GPR39: variants seen among roughly 807,000 people sequenced by gnomAD.
GPR39 encodes G protein-coupled receptor 39, also known as zinc sensing receptor.
GPR39 carries 23 observed loss-of-function variants against 18.4 expected under a neutral mutation model. The observed-to-expected ratio is 1.25, with a 90% CI of 0.90 to 1.77. The LOEUF is 1.77. GPR39 is among the 40% of genes most tolerant of loss of function. The probability of loss-of-function intolerance (pLI) is 0.00; values close to 1 mark genes in which losing one functional copy is unlikely to be tolerated. For missense variants in GPR39, 647 were observed against 602.4 expected, an observed-to-expected ratio of 1.07 and a Z score of -0.78; for synonymous variants, 280 against 257.9, an observed-to-expected ratio of 1.09 and a Z score of -0.82.
intron 1 of GPR39, 57 bp downstream of exon 1, chr2:132,417,955 C>G: frequency 6.6e-7 from 1 of 1,520,662 alleles, no homozygotes; most frequent in African/African-American, 1.4e-5. Flanking sequence ...CCCCACGACC[C>G]GTGCCACTGC....
chr2:132,471,773 C>CAT (rs1245023974), intron 1 of GPR39, among the ~76,000 whole-genome samples: 1 of 151,936 alleles, frequency 6.6e-6, no homozygotes, highest in Non-Finnish European at 1.5e-5. Context: ...AGCCCCAGGT[C>CAT]ATTGTCGTAC....
intron 1 of GPR39, among the ~76,000 whole-genome samples, chr2:132,499,115 G>A (rs1250388938): frequency 1.3e-5 from 2 of 152,080 alleles, no homozygotes; most frequent in Non-Finnish European, 2.9e-5. Flanking sequence ...TGGGTTCTTG[G>A]TCATGAAGGC....
chr2:132,463,304 AG>A (rs1301240932), intron 1 of GPR39, among the ~76,000 whole-genome samples: 1 of 151,066 alleles, frequency 6.6e-6, no homozygotes, highest in Non-Finnish European at 1.5e-5. Flanking sequence ...GAGAGAAAGC[AG>A]GGCTAGGGTT....
intron 1 of GPR39, among the ~76,000 whole-genome samples, chr2:132,532,524 C>T (rs1407353570): frequency 6.6e-6 from 1 of 152,102 alleles, no homozygotes; most frequent in Admixed American, 6.6e-5. Flanking sequence ...ATACCAAAGC[C>T]TGGCAGAGAC....
Position 132,563,412 on chromosome 2 carries a change from G to A in GPR39, c.857-81689G>A, listed in dbSNP as rs1174202453. Among the ~76,000 whole-genome samples, 15 of 152,172 alleles carry A rather than the reference G, an allele frequency of 9.9e-5. 1 individual carries two copies. In the South Asian group the frequency reaches 1.9e-3, roughly 19 times the overall value. ...AGCCTGGGAAACATAGTGAGACCTC[G>A]TGTCTACAAAAACTAGCTCGGCATG... On this transcript the variant is annotated intron_variant, in intron 1 of 1. Transcript: ENST00000329321.
intron 1 of GPR39, among the ~76,000 whole-genome samples, chr2:132,529,478 C>T (rs545529660): frequency 4.6e-5 from 7 of 152,222 alleles, no homozygotes; most frequent in Admixed American, 6.5e-5. Flanking sequence ...ACTTAAATGT[C>T]GCTGTCTGAC....
At chr2:132,610,777 C>CAAAAAA (rs34611787) in intron 1 of GPR39, among the ~76,000 whole-genome samples, 21 of 88,686 alleles carry the variant, frequency 2.4e-4, no homozygotes, top group African/African-American at 8.2e-4. Flanking sequence ...ACTCTGTCTC[C>CAAAAAA]AAAAAAAAAA....
intron 1 of GPR39, among the ~76,000 whole-genome samples, chr2:132,553,936 G>A (rs1028318588): frequency 2.0e-5 from 3 of 152,162 alleles, no homozygotes; most frequent in African/African-American, 4.8e-5. Context: ...GAGGACATGG[G>A]TATTGTGGAA....
chr2:132,540,362 G>A (rs532709650), intron 1 of GPR39, among the ~76,000 whole-genome samples: 45 of 152,280 alleles, frequency 3.0e-4, no homozygotes, highest in African/African-American at 1.1e-3. Context: ...ACTCTGGGGA[G>A]AGCGACGGTC....
intron 1 of GPR39, among the ~76,000 whole-genome samples, chr2:132,465,297 T>G (rs929226156): frequency 2.6e-5 from 4 of 152,238 alleles, no homozygotes; most frequent in African/African-American, 9.6e-5. Flanking sequence ...GTTCCCCTTT[T>G]CCTTGCTTCT....
At chr2:132,581,048 A>T (rs1227717768) in intron 1 of GPR39, among the ~76,000 whole-genome samples, 5 of 143,264 alleles carry the variant, frequency 3.5e-5, no homozygotes, top group Non-Finnish European at 7.7e-5. Flanking sequence ...TATAAAGATT[A>T]AAAAAAAAAA....
chr2:132,462,230 G>A (rs1022538920), intron 1 of GPR39, among the ~76,000 whole-genome samples: 5 of 152,206 alleles, frequency 3.3e-5, no homozygotes, highest in African/African-American at 1.2e-4. Flanking sequence ...CCTCACAAAG[G>A]TTGCACTCAG....
At position 132,451,991 on chromosome 2, in the gene GPR39, ATTG is replaced by A. The variant is rs142377477; in HGVS notation, c.856+34098_856+34100del. Among the ~76,000 whole-genome samples, 557 of 152,278 alleles carry A rather than the reference ATTG, an allele frequency of 3.7e-3. 16 individuals are homozygous for A. In the East Asian group the frequency reaches 0.074, roughly 20 times the overall value. ...TTCAAGACATAACAAAATGTCTTGA[ATTG>A]TTGTAAGTTCAAATATGGTTCATTT... is the stretch of plus-strand genomic sequence containing the variant. On this transcript the variant is annotated intron_variant, in intron 1 of 1. Coordinates refer to ENST00000329321, the MANE Select transcript of GPR39 (RefSeq NM_001508.3).
chr2:132,435,637 T>C (rs1573600842), intron 1 of GPR39, among the ~76,000 whole-genome samples: 2 of 152,332 alleles, frequency 1.3e-5, no homozygotes, highest in Non-Finnish European at 2.9e-5. Context: ...TAGTTGCCTA[T>C]AGTGACCTTG....
intron 1 of GPR39, among the ~76,000 whole-genome samples, chr2:132,447,099 T>C (rs536318285): frequency 6.6e-6 from 1 of 152,188 alleles, no homozygotes; most frequent in Non-Finnish European, 1.5e-5. Flanking sequence ...TAGCAGAATC[T>C]GAGTAGCGGG....
intron 1 of GPR39, among the ~76,000 whole-genome samples, chr2:132,601,253 G>T (rs1200236558): frequency 6.6e-6 from 1 of 152,082 alleles, no homozygotes; most frequent in Non-Finnish European, 1.5e-5. Flanking sequence ...ACATCAAAAA[G>T]ATAATACACC....
Position 132,646,547 on chromosome 2 carries a change from T to C in GPR39, c.*941T>C, listed in dbSNP as rs1682092781. ...GTGAATACCTGTTAATAAAGAGCTG[T>C]TAAATAGACTTATTTACATTTTAAG... On this transcript the variant is annotated 3_prime_UTR_variant, in exon 2 of 2. Transcript: ENST00000329321. 1 of 350,530 alleles carries C rather than the reference T, an allele frequency of 2.9e-6. No individual in the cohort carries two copies. Among genetic ancestry groups the C allele is most frequent in the East Asian group, 4.3e-5 (1 of 23,382 alleles). The allele number at this position is 350,530 out of a possible 1,614,324, so 21.7% of individuals were successfully genotyped here.
intron 1 of GPR39, among the ~76,000 whole-genome samples, chr2:132,579,217 C>G (rs968082720): frequency 1.3e-5 from 2 of 151,422 alleles, no homozygotes; most frequent in African/African-American, 2.4e-5. Context: ...TTAAGACTTC[C>G]TCTTTGATTC....
intron 1 of GPR39, among the ~76,000 whole-genome samples, chr2:132,449,886 A>G (rs1444671808): frequency 6.6e-6 from 1 of 152,116 alleles, no homozygotes; most frequent in South Asian, 2.1e-4. Flanking sequence ...GCTTTTTAAA[A>G]TTTTACATCT....
Sources: allele counts gnomAD v4.1 joint callset (sites outside exome capture counted in the v4.1 genomes callset), GRCh38; gene constraint gnomAD v4.1.1; transcripts MANE v1.5; gene names NCBI Gene and HGNC (gene_info 2026-07-23, HGNC 2026-07-21).